Variants in PRORP observed in about 807,000 individuals in gnomAD.
The protein encoded by PRORP is protein only RNase P catalytic subunit, also known as mitochondrial ribonuclease P catalytic subunit.
A neutral mutation model predicts 59.4 loss-of-function variants in PRORP; 51 were observed. The ratio of observed to expected loss-of-function variants is 0.86; its 90% CI spans 0.69 to 1.08. PRORP has a LOEUF of 1.08. Among genes scored for constraint, PRORP ranks in the 50% least tolerant of loss-of-function variants. The pLI is 0.00. For missense variants in PRORP, 646 were observed against 690.3 expected (o/e 0.94, Z 0.72); for synonymous variants, 231 against 245.6 (o/e 0.94, Z 0.55).
At chr14:35,152,463 A>G (rs951225292) in intron 4 of PRORP, among the ~76,000 whole-genome samples, 11 of 151,540 alleles carry the variant, frequency 7.3e-5, no homozygotes, top group African/African-American at 2.2e-4. Flanking sequence ...CCCAGACGGG[A>G]TGGTGGCCGG....
At chr14:35,266,000 A>AT (rs2051027898) in intron 5 of PRORP, among the ~76,000 whole-genome samples, 1 of 140,826 alleles carries the variant, frequency 7.1e-6, no homozygotes, top group African/African-American at 2.8e-5. Context: ...GGATCGTGAG[A>AT]TCCCATCTCT....
At position 35,123,186 on chromosome 14, in the gene PRORP, C is replaced by A; in HGVS notation, c.-60C>A. ...CCGACCCCCAATCTCTTTAATTTTG[C>A]CATAGAAGAGGGGTTTTTTCAACAT... is the stretch of plus-strand genomic sequence containing the variant. On this transcript the variant is annotated 5_prime_UTR_variant, in exon 2 of 8. Coordinates refer to ENST00000534898, the MANE Select transcript of PRORP (RefSeq NM_014672.4). The A allele has an allele frequency of 2.0e-6, 3 of 1,522,886 alleles. No individual in the cohort carries two copies. Among genetic ancestry groups the A allele is most frequent in the Non-Finnish European group, 1.8e-6 (2 of 1,133,984 alleles). 94.3% of individuals were successfully genotyped at this position (1,522,886 alleles called of 1,614,324 possible). A position where few individuals can be genotyped will look rare whatever the true frequency, so the allele number is the denominator to read the frequency against.
rs115156065 is a variant in PRORP, at chr14:35,252,811, T to A, written c.1276-13916T>A. ...TACCTACATACCACATACACACACC[T>A]ACACACAAACCACACAATCAGACTT... On this transcript the variant is annotated intron_variant, in intron 5 of 7. Transcript: ENST00000534898. 5.3e-3 allele frequency among the ~76,000 whole-genome samples: 801 copies of A among 152,174 alleles called. 8 individuals are homozygous for A. The highest frequency in any genetic ancestry group is 0.018 in the African/African-American group (755 of 41,520).
intron 4 of PRORP, among the ~76,000 whole-genome samples, chr14:35,150,364 G>A (rs1294336792): frequency 6.6e-6 from 1 of 152,212 alleles, no homozygotes; most frequent in Non-Finnish European, 1.5e-5. Flanking sequence ...GCAATCAGAA[G>A]TCACACAACA....
Position 35,122,995 on chromosome 14 carries a change from T to C in PRORP, c.-251T>C, listed in dbSNP as rs186193425. 8.2e-6 allele frequency: 4 copies of C among 488,896 alleles called. No homozygotes were observed. The highest frequency in any genetic ancestry group is 1.5e-5 in the Non-Finnish European group (4 of 271,242). 30.3% of individuals were successfully genotyped at this position (488,896 alleles called of 1,614,324 possible). A position where few individuals can be genotyped will look rare whatever the true frequency, so the allele number is the denominator to read the frequency against. ...AAGAGGCACCAGAGGATTCCTGCTC[T>C]GTCCCCTGGTTTGCGGCTTGCGACG... On this transcript the variant is annotated 5_prime_UTR_variant, in exon 2 of 8. Coordinates refer to ENST00000534898, the MANE Select transcript of PRORP (RefSeq NM_014672.4).
chr14:35,264,591 G>A (rs1433224698), intron 5 of PRORP, among the ~76,000 whole-genome samples: 3 of 152,096 alleles, frequency 2.0e-5, no homozygotes, highest in Non-Finnish European at 4.4e-5. Flanking sequence ...CTAATAATTA[G>A]GGATAAAAAA....
intron 5 of PRORP, among the ~76,000 whole-genome samples, chr14:35,200,795 A>G (rs2049129119): frequency 6.6e-6 from 1 of 152,062 alleles, no homozygotes; most frequent in South Asian, 2.1e-4. Flanking sequence ...TTTTTCTATC[A>G]CTAAGATATT....
chr14:35,224,841 A>G (rs75143810), intron 5 of PRORP, among the ~76,000 whole-genome samples: 51 of 152,206 alleles, frequency 3.4e-4, no homozygotes, highest in African/African-American at 1.1e-3. Context: ...TTCAAATTAG[A>G]CAGTTGGTGT....
At position 35,276,610 on chromosome 14, in the gene PRORP, C is replaced by G. The variant is rs536760329; in HGVS notation, c.*3044C>G. On this transcript the variant is annotated 3_prime_UTR_variant, in exon 8 of 8. Coordinates refer to ENST00000534898, the MANE Select transcript of PRORP (RefSeq NM_014672.4). ...AGCTGGTACCAGACACTTAGGCTGCCCATTTGTGTTCTGATCATTTGAGTG... is the reference window on the plus strand; with the variant it reads ...AGCTGGTACCAGACACTTAGGCTGCGCATTTGTGTTCTGATCATTTGAGTG... 1.3e-4 allele frequency: 20 copies of G among 151,758 alleles called. 1 individual carries two copies. The South Asian group carries it at 3.5e-3, about 27-fold the overall frequency. The allele number at this position is 151,758 out of a possible 1,614,324, so 9.4% of individuals were successfully genotyped here.
chr14:35,169,796 T>G (rs750290094), intron 4 of PRORP, among the ~76,000 whole-genome samples: 1 of 152,246 alleles, frequency 6.6e-6, no homozygotes, highest in Non-Finnish European at 1.5e-5. Context: ...ATGTTCCATG[T>G]GCACTTGAAA....
chr14:35,199,483 G>C (rs985124190), intron 5 of PRORP, among the ~76,000 whole-genome samples: 2 of 152,078 alleles, frequency 1.3e-5, no homozygotes, highest in Non-Finnish European at 2.9e-5. Context: ...CTCTGCCCTC[G>C]TGGATGGGAT....
At chr14:35,268,798 G>A (rs550737304) in intron 6 of PRORP, among the ~76,000 whole-genome samples, 1 of 152,246 alleles carries the variant, frequency 6.6e-6, no homozygotes, top group East Asian at 1.9e-4. Flanking sequence ...GTTTCACCAT[G>A]TTGGCCAGGC....
chr14:35,234,679 T>C (rs1336515027), intron 5 of PRORP, among the ~76,000 whole-genome samples: 2 of 140,954 alleles, frequency 1.4e-5, no homozygotes, highest in African/African-American at 5.9e-5. Context: ...GTTGTTCCTT[T>C]TTTTTTTTTT....
At chr14:35,209,881 C>A (rs563254559) in intron 5 of PRORP, among the ~76,000 whole-genome samples, 17 of 152,178 alleles carry the variant, frequency 1.1e-4, no homozygotes, top group Non-Finnish European at 2.2e-4. Flanking sequence ...TACATTCCCT[C>A]TAGCAATGTT....
At chr14:35,145,898 G>C (rs1028452551) in intron 4 of PRORP, among the ~76,000 whole-genome samples, 2 of 149,644 alleles carry the variant, frequency 1.3e-5, no homozygotes, top group African/African-American at 4.9e-5. Context: ...GCACCGTCTC[G>C]GCTCACTGCA....
rs140610538 is a variant in PRORP at position 35,251,200 on chromosome 14, C to T, written c.1276-15527C>T. ...CAGGTCGCTGCAAATGCCATTAATT[C>T]GTTCCTTTTTATGGCTGAGTAGTAT... On this transcript the variant is annotated intron_variant, in intron 5 of 7. Coordinates refer to ENST00000534898, the MANE Select transcript of PRORP (RefSeq NM_014672.4). Among the ~76,000 whole-genome samples the T allele has an allele frequency of 5.5e-3, 840 of 152,228 alleles. 15 individuals carry two copies. The highest frequency in any genetic ancestry group is 0.02 in the African/African-American group (813 of 41,528).
At chr14:35,155,068 A>G (rs943536501) in intron 4 of PRORP, among the ~76,000 whole-genome samples, 2 of 151,914 alleles carry the variant, frequency 1.3e-5, no homozygotes, top group Admixed American at 1.3e-4. Flanking sequence ...TAAGTTTTGT[A>G]CTTTTTGTAG....
intron 5 of PRORP, among the ~76,000 whole-genome samples, chr14:35,240,716 C>T (rs1311300460): frequency 6.6e-6 from 1 of 152,144 alleles, no homozygotes; most frequent in Non-Finnish European, 1.5e-5. Flanking sequence ...ATTTCTACCT[C>T]CTTGTTCCTC....
rs541014703 is a variant in PRORP at position 35,196,324 on chromosome 14, C to T, written c.1275+15547C>T. 5.7e-4 allele frequency among the ~76,000 whole-genome samples: 87 copies of T among 152,094 alleles called. No individual in the cohort carries two copies. In the South Asian group the frequency reaches 8.5e-3, roughly 15 times the overall value. On this transcript the variant is annotated intron_variant, in intron 5 of 7. Coordinates refer to ENST00000534898, the MANE Select transcript of PRORP (RefSeq NM_014672.4). ...ACCCCCCTGCCCCCTGCCATGTCTACGAAAAATAAATTTTTAAAAATAAGC... is the reference window on the plus strand; with the variant it reads ...ACCCCCCTGCCCCCTGCCATGTCTATGAAAAATAAATTTTTAAAAATAAGC...
Sources: allele counts gnomAD v4.1 joint callset (sites outside exome capture counted in the v4.1 genomes callset), GRCh38; gene constraint gnomAD v4.1.1; transcripts MANE v1.5; gene names NCBI Gene and HGNC (gene_info 2026-07-23, HGNC 2026-07-21).